The following HMGB1 variants were observed in gnomAD, a reference collection of about 807,000 sequenced individuals.
HMGB1 encodes high mobility group box 1, also known as high mobility group protein B1.
For synonymous variants in HMGB1, 81 were observed against 84.0 expected (o/e 0.96, Z 0.19); for missense variants, 79 against 253.5 (o/e 0.31, Z 4.67).
At chr13:30,591,709 C>T (rs1156898855) in intron 1 of HMGB1, among the ~76,000 whole-genome samples, 2 of 152,120 alleles carry the variant, frequency 1.3e-5, no homozygotes, top group Admixed American at 1.3e-4. Flanking sequence ...GCCATGTTGC[C>T]CAGGCTGGTC....
upstream of HMGB1, among the ~76,000 whole-genome samples, chr13:30,467,928 A>G (rs1302947423): frequency 2.0e-5 from 3 of 152,216 alleles, no homozygotes; most frequent in Non-Finnish European, 4.4e-5. Flanking sequence ...CAATGGGCCC[A>G]CACAAGGTTT....
rs200697868 is a variant in HMGB1, at chr13:30,538,552, T to G, written c.-14-74858A>C. Among the ~76,000 whole-genome samples, 486 of 105,208 alleles carry G rather than the reference T, an allele frequency of 4.6e-3. 18 individuals carry two copies. Among genetic ancestry groups the G allele is most frequent in the African/African-American group, 0.02 (398 of 19,740 alleles). The allele number at this position is 105,208 out of a possible 152,430, so 69.0% of individuals were successfully genotyped here. A position where few individuals can be genotyped will look rare whatever the true frequency, so the allele number is the denominator to read the frequency against. ...TCTTTCTTTCCTTTCTTTCTTTCTT[T>G]CTTTTTCTTTCTTCTTTTTCTTTCT... is the stretch of plus-strand genomic sequence containing the variant. On this transcript the variant is annotated intron_variant, in intron 1 of 4. Coordinates refer to the HMGB1 transcript ENST00000405805.
intron 1 of HMGB1, among the ~76,000 whole-genome samples, chr13:30,605,586 TGA>T (rs1173704034): frequency 6.6e-6 from 1 of 152,156 alleles, no homozygotes; most frequent in African/African-American, 2.4e-5. Flanking sequence ...GACGTGGAAA[TGA>T]GAGTTTTGGT....
chr13:30,471,101 CCT>C (rs1886913391), intron 1 of HMGB1, among the ~76,000 whole-genome samples: 1 of 152,006 alleles, frequency 6.6e-6, no homozygotes, highest in Non-Finnish European at 1.5e-5. Flanking sequence ...GCCTCAGACT[CCT>C]GAGTAGCTGG....
At chr13:30,604,674 T>C (rs1950437337) in intron 1 of HMGB1, among the ~76,000 whole-genome samples, 1 of 152,228 alleles carries the variant, frequency 6.6e-6, no homozygotes, top group African/African-American at 2.4e-5. Flanking sequence ...TTGTTTGTTT[T>C]TGAGACGGAG....
intron 1 of HMGB1, among the ~76,000 whole-genome samples, chr13:30,509,319 A>G (rs1887939776): frequency 6.6e-6 from 1 of 150,914 alleles, no homozygotes; most frequent in Non-Finnish European, 1.5e-5. Flanking sequence ...GCTCACTGCA[A>G]CCTCTGCCTC....
rs76169819 is a variant in HMGB1, at chr13:30,507,903, G to A, written c.-14-44209C>T. On this transcript the variant is annotated intron_variant, in intron 1 of 4. Transcript: ENST00000405805. ...CCCAGCTATTAAGGAAGGCTGAATCGGGAGGATCGCTTGAGCCCCGGGATT... is the reference window on the plus strand; with the variant it reads ...CCCAGCTATTAAGGAAGGCTGAATCAGGAGGATCGCTTGAGCCCCGGGATT... Among the ~76,000 whole-genome samples, 551 of 152,174 alleles carry A rather than the reference G, an allele frequency of 3.6e-3. 2 individuals are homozygous for A. Among genetic ancestry groups the A allele is most frequent in the Non-Finnish European group, 5.6e-3 (384 of 68,002 alleles).
intron 1 of HMGB1, among the ~76,000 whole-genome samples, chr13:30,509,121 G>A (rs988851534): frequency 2.0e-5 from 3 of 152,088 alleles, no homozygotes; most frequent in Admixed American, 1.3e-4. Context: ...CTTTTTTGTA[G>A]AGATGGGGGT....
chr13:30,574,217 C>T (rs1870552272), intron 1 of HMGB1, among the ~76,000 whole-genome samples: 1 of 152,204 alleles, frequency 6.6e-6, no homozygotes, highest in African/African-American at 2.4e-5. Context: ...CTCTTCTGGG[C>T]TCCCACAGCA....
At chr13:30,474,854 GTTTTTTTTTT>G (rs1275635810) in intron 1 of HMGB1, among the ~76,000 whole-genome samples, 1 of 67,656 alleles carries the variant, frequency 1.5e-5, no homozygotes. Flanking sequence ...CTCTTTTTTT[GTTTTTTTTTT>G]TTTGAGACAG....
chr13:30,555,864 T>C (rs1439433545), intron 1 of HMGB1, among the ~76,000 whole-genome samples: 2 of 152,156 alleles, frequency 1.3e-5, no homozygotes, highest in Non-Finnish European at 2.9e-5. Context: ...GTCTCCATCG[T>C]CAAAAAGGAA....
chr13:30,591,242 G>C (rs1320205946), intron 1 of HMGB1, among the ~76,000 whole-genome samples: 1 of 151,918 alleles, frequency 6.6e-6, no homozygotes, highest in Non-Finnish European at 1.5e-5. Context: ...ATGTTGGCCA[G>C]GCTAGTCTTG....
At chr13:30,521,682 G>A (rs1330555788) in intron 1 of HMGB1, among the ~76,000 whole-genome samples, 1 of 152,216 alleles carries the variant, frequency 6.6e-6, no homozygotes, top group African/African-American at 2.4e-5. Context: ...AAGCATTCAT[G>A]TACAAGATTT....
At chr13:30,485,553 T>C (rs1275365661) in intron 1 of HMGB1, among the ~76,000 whole-genome samples, 1 of 152,082 alleles carries the variant, frequency 6.6e-6, no homozygotes, top group Non-Finnish European at 1.5e-5. Flanking sequence ...AGGGTCTCTC[T>C]AGAGATGGGC....
At chr13:30,535,185 C>A (rs892405414) in intron 1 of HMGB1, among the ~76,000 whole-genome samples, 1 of 152,208 alleles carries the variant, frequency 6.6e-6, no homozygotes, top group Non-Finnish European at 1.5e-5. Context: ...AGAATTGTAG[C>A]CTCTGTCTTG....
chr13:30,511,321 G>C (rs574043488), intron 1 of HMGB1, among the ~76,000 whole-genome samples: 9 of 152,240 alleles, frequency 5.9e-5, no homozygotes, highest in African/African-American at 2.2e-4. Flanking sequence ...TGGGCCATGG[G>C]GGTGGATCCC....
At chr13:30,594,638 A>G (rs1296939395) in intron 1 of HMGB1, among the ~76,000 whole-genome samples, 1 of 152,202 alleles carries the variant, frequency 6.6e-6, no homozygotes, top group African/African-American at 2.4e-5. Flanking sequence ...ATTAATGGGC[A>G]CTTACATTGA....
intron 1 of HMGB1, among the ~76,000 whole-genome samples, chr13:30,516,121 T>G (rs1201970820): frequency 2.6e-5 from 4 of 152,200 alleles, no homozygotes; most frequent in African/African-American, 9.7e-5. Flanking sequence ...TAATACAGCA[T>G]CTCCCAAATA....
intron 1 of HMGB1, among the ~76,000 whole-genome samples, chr13:30,513,939 G>C (rs1194485911): frequency 6.6e-6 from 1 of 152,020 alleles, no homozygotes; most frequent in African/African-American, 2.4e-5. Context: ...GGGGTCTATG[G>C]GGTGTCTCTA....
Sources: gnomAD v4.1 joint callset for allele counts (sites outside exome capture counted in the v4.1 genomes callset) on GRCh38, gnomAD v4.1.1 for gene constraint, MANE v1.5 for transcripts, NCBI Gene and HGNC (gene_info 2026-07-23, HGNC 2026-07-21) for gene names.